The following GFRA1 variants were observed in gnomAD, a reference collection of about 807,000 sequenced individuals.
GFRA1 encodes GDNF family receptor alpha-1.
A neutral mutation model predicts 51.6 loss-of-function variants in GFRA1; 16 were observed. The observed-to-expected ratio is 0.31, with a 90% CI of 0.21 to 0.47. GFRA1 has a LOEUF of 0.47. Among genes scored for constraint, GFRA1 ranks in the 20% least tolerant of loss-of-function variants. GFRA1 has a pLI of 1.00. For missense variants in GFRA1, 530 were observed against 594.3 expected (o/e 0.89, Z 1.13); for synonymous variants, 270 against 241.3 (o/e 1.12, Z -1.10).
chr10:116,220,511 TCAAAG>T (rs1165666744), intron 4 of GFRA1, among the ~76,000 whole-genome samples: 2 of 152,148 alleles, frequency 1.3e-5, no homozygotes, highest in African/African-American at 4.8e-5. Flanking sequence ...ATGGACAACT[TCAAAG>T]TAAACAGAAG....
intron 4 of GFRA1, chr10:116,226,710 A>G (rs1283024417): frequency 1.2e-5 from 4 of 321,164 alleles, no homozygotes; most frequent in Non-Finnish European, 1.9e-5. Context: ...ACATTGTAAT[A>G]TATAATGAAA....
chr10:116,065,615 C>T lies in GFRA1; in HGVS notation c.1209G>A (p.Leu403=). Residue 403 remains leucine, a synonymous_variant, in exon 10 of 11, where the codon CTG becomes CTA. Transcript: ENST00000355422. ...PPCANLQAQK[L]KSNVSGNTHL... Reference sequence around the variant, plus strand: ...GTGTATTGCCCGACACATTGGATTTCAGCTTCTGTGCCTGGAGAGGGACAA... The same window carrying T: ...GTGTATTGCCCGACACATTGGATTTTAGCTTCTGTGCCTGGAGAGGGACAA... The T allele has an allele frequency of 6.2e-7, 1 of 1,613,262 alleles. No individual in the cohort carries two copies. Among genetic ancestry groups the T allele is most frequent in the Non-Finnish European group, 8.5e-7 (1 of 1,179,414 alleles).
chr10:116,093,644 T>C, intron 8 of GFRA1, 58 bp downstream of exon 8: 2 of 1,504,116 alleles, frequency 1.3e-6, no homozygotes, highest in Non-Finnish European at 1.8e-6. Context: ...GAGGTACAGC[T>C]GGAGCTCGGA....
At chr10:116,260,906 C>G (rs1969250778) in intron 4 of GFRA1, among the ~76,000 whole-genome samples, 1 of 152,062 alleles carries the variant, frequency 6.6e-6, no homozygotes, top group Non-Finnish European at 1.5e-5. Flanking sequence ...GAAAGATTAT[C>G]TTTAAAAAAA....
intron 4 of GFRA1, among the ~76,000 whole-genome samples, chr10:116,243,651 A>G (rs149258251): frequency 3.0e-4 from 46 of 152,072 alleles, no homozygotes; most frequent in African/African-American, 9.9e-4. Flanking sequence ...AAAATCACCT[A>G]GGAGCTTTAA....
At chr10:116,273,671 G>GTC (rs60112716), upstream of GFRA1, among the ~76,000 whole-genome samples, 2 of 147,458 alleles carry the variant, frequency 1.4e-5, no homozygotes, top group African/African-American at 5.1e-5. Context: ...CTCTCTCTCT[G>GTC]TCTCTCTCTC....
chr10:116,231,470 G>T (rs770852782), intron 4 of GFRA1, among the ~76,000 whole-genome samples: 1 of 152,162 alleles, frequency 6.6e-6, no homozygotes, highest in Non-Finnish European at 1.5e-5. Context: ...ATGGGGATAA[G>T]TATTCCTAAA....
chr10:116,234,341 A>G (rs1318245248), intron 4 of GFRA1, among the ~76,000 whole-genome samples: 1 of 152,222 alleles, frequency 6.6e-6, no homozygotes, highest in South Asian at 2.1e-4. Context: ...TAAAGAAGAA[A>G]CCAGCTCCAA....
intron 4 of GFRA1, among the ~76,000 whole-genome samples, chr10:116,213,838 G>T (rs1965375865): frequency 6.6e-6 from 1 of 152,184 alleles, no homozygotes; most frequent in Non-Finnish European, 1.5e-5. Flanking sequence ...TGGTTGTGGT[G>T]CAGGTAAAAC....
chr10:116,134,814 G>A (rs375969062), intron 5 of GFRA1, among the ~76,000 whole-genome samples: 56 of 152,108 alleles, frequency 3.7e-4, no homozygotes, highest in Non-Finnish European at 6.9e-4. Flanking sequence ...ATCCATTAGC[G>A]CTTCCATTTC....
chr10:116,237,059 G>A (rs1966923842), intron 4 of GFRA1, among the ~76,000 whole-genome samples: 1 of 152,128 alleles, frequency 6.6e-6, no homozygotes, highest in Non-Finnish European at 1.5e-5. Flanking sequence ...TGTAATATAT[G>A]TACTATACAT....
At chr10:116,108,477 A>C (rs1386463049) in intron 6 of GFRA1, among the ~76,000 whole-genome samples, 1 of 152,132 alleles carries the variant, frequency 6.6e-6, no homozygotes, top group Non-Finnish European at 1.5e-5. Flanking sequence ...TGTCAACAGC[A>C]CCTCAGCCCC....
At chr10:116,195,916 C>A (rs912005906) in intron 5 of GFRA1, among the ~76,000 whole-genome samples, 3 of 152,086 alleles carry the variant, frequency 2.0e-5, no homozygotes, top group Non-Finnish European at 2.9e-5. Context: ...TTTCATCAGC[C>A]AGAGATGAAG....
Position 116,079,742 on chromosome 10 carries a change from C to A in GFRA1, c.1197+9999G>T, listed in dbSNP as rs569707290. 1.2e-4 allele frequency among the ~76,000 whole-genome samples: 18 copies of A among 152,236 alleles called. No homozygotes were observed. In the East Asian group the frequency reaches 2.9e-3, roughly 25 times the overall value. On this transcript the variant is annotated intron_variant, in intron 9 of 10. Transcript: ENST00000355422. ...AGTGCCAATGTCGAGGAAGCCTGGC[C>A]TGGAAGAACCATTCAACTCACAGCC...
upstream of GFRA1, among the ~76,000 whole-genome samples, chr10:116,273,674 TC>T (rs1844115444): frequency 1.5e-4 from 1 of 6,574 alleles, no homozygotes; most frequent in Non-Finnish European, 4.4e-3. Context: ...TCTCTCTGTC[TC>T]TCTCTCTCTC....
chr10:116,064,584 C>A (rs1203756193), intron 10 of GFRA1, 40 bp from the exon 11 acceptor site: 4 of 1,556,940 alleles, frequency 2.6e-6, no homozygotes, highest in Non-Finnish European at 3.5e-6. Flanking sequence ...CACTGCATGT[C>A]TTCATTCTAC....
At chr10:116,112,469 C>T (rs1957250623) in intron 6 of GFRA1, among the ~76,000 whole-genome samples, 1 of 152,218 alleles carries the variant, frequency 6.6e-6, no homozygotes, top group Admixed American at 6.5e-5. Flanking sequence ...AGATGGCCCA[C>T]ATCAAGGCAC....
In GFRA1 at chr10:116,117,557, G is replaced by A. The variant is rs12772926; in HGVS notation, c.770+7664C>T. Among the ~76,000 whole-genome samples, 143 of 97,426 alleles carry A rather than the reference G, an allele frequency of 1.5e-3. 2 individuals are homozygous for A. The highest frequency in any genetic ancestry group is 2.9e-3 in the African/African-American group (68 of 23,828). The allele number at this position is 97,426 out of a possible 152,430, so 63.9% of individuals were successfully genotyped here. On this transcript the variant is annotated intron_variant, in intron 6 of 10. Transcript: ENST00000355422. The stretch of plus-strand genomic sequence containing the variant: ...GATGGGTGGGTGGGTGGGTGGGTGT[G>A]TGGATGGATGGATGGATGGATGGAT...
chr10:116,196,760 TTATA>T (rs71010068), intron 5 of GFRA1, among the ~76,000 whole-genome samples: 2 of 80,396 alleles, frequency 2.5e-5, no homozygotes, highest in African/African-American at 9.1e-5. Flanking sequence ...ATATTATATA[TTATA>T]TATATAATAC....
Sources: gnomAD v4.1 joint callset for allele counts (sites outside exome capture counted in the v4.1 genomes callset) on GRCh38, gnomAD v4.1.1 for gene constraint, MANE v1.5 for transcripts, NCBI Gene and HGNC (gene_info 2026-07-23, HGNC 2026-07-21) for gene names.